The following PHACTR3 variants were observed in gnomAD, a reference collection of about 807,000 sequenced individuals.
PHACTR3 encodes phosphatase and actin regulator 3.
PHACTR3 carries 16 observed loss-of-function variants against 66.8 expected under a neutral mutation model. The ratio of observed to expected loss-of-function variants is 0.24; its 90% CI spans 0.16 to 0.36. PHACTR3 has a LOEUF of 0.36. Among genes scored for constraint, PHACTR3 ranks in the 10% least tolerant of loss-of-function variants. PHACTR3 has a pLI of 1.00. For synonymous variants in PHACTR3, 323 were observed against 292.1 expected, an observed-to-expected ratio of 1.11 and a Z score of -1.08; for missense variants, 647 against 719.9, an observed-to-expected ratio of 0.90 and a Z score of 1.16.
intron 3 of PHACTR3, among the ~76,000 whole-genome samples, chr20:59,753,716 A>G (rs1220904861): frequency 6.6e-6 from 1 of 152,204 alleles, no homozygotes; most frequent in East Asian, 1.9e-4. Context: ...TAGATAAGGA[A>G]ATTGAGATCC....
At chr20:59,583,801 G>A (rs1410441673) in intron 1 of PHACTR3, among the ~76,000 whole-genome samples, 4 of 152,266 alleles carry the variant, frequency 2.6e-5, no homozygotes, top group African/African-American at 9.6e-5. Flanking sequence ...GCATTGGGCA[G>A]GGGGAGTTGC....
intron 1 of PHACTR3, among the ~76,000 whole-genome samples, chr20:59,663,340 C>T (rs143907505): frequency 7.0e-4 from 107 of 152,272 alleles, no homozygotes; most frequent in African/African-American, 2.4e-3. Flanking sequence ...AGGATGGCTC[C>T]GGCTGGCTGT....
intron 1 of PHACTR3, among the ~76,000 whole-genome samples, chr20:59,630,884 G>C (rs1039810117): frequency 4.6e-5 from 7 of 152,140 alleles, no homozygotes; most frequent in African/African-American, 1.7e-4. Flanking sequence ...CGGTGTTCTA[G>C]GGGATTCGAG....
intron 4 of PHACTR3, among the ~76,000 whole-genome samples, chr20:59,761,410 A>G (rs2039990381): frequency 6.6e-6 from 1 of 152,106 alleles, no homozygotes; most frequent in Non-Finnish European, 1.5e-5. Context: ...GCTGAGACCA[A>G]GGTTGTGCTG....
intron 1 of PHACTR3, among the ~76,000 whole-genome samples, chr20:59,654,006 G>A (rs1037874072): frequency 2.6e-5 from 4 of 152,154 alleles, no homozygotes; most frequent in African/African-American, 7.2e-5. Context: ...AAGCAAATAA[G>A]CTATCAAAGG....
intron 1 of PHACTR3, among the ~76,000 whole-genome samples, chr20:59,659,188 T>C (rs1226658166): frequency 6.6e-6 from 1 of 152,110 alleles, no homozygotes; most frequent in Non-Finnish European, 1.5e-5. Flanking sequence ...TATTTATGAA[T>C]CTTCTTCTAT....
chr20:59,582,272 G>A (rs1231381702), intron 1 of PHACTR3, among the ~76,000 whole-genome samples: 1 of 152,176 alleles, frequency 6.6e-6, no homozygotes, highest in African/African-American at 2.4e-5. Flanking sequence ...AGTGTATCTT[G>A]GAGATTTATC....
chr20:59,821,460 T>C (rs918131047), intron 8 of PHACTR3, among the ~76,000 whole-genome samples: 3 of 152,188 alleles, frequency 2.0e-5, no homozygotes, highest in African/African-American at 7.2e-5. Context: ...AGTCAGCTTT[T>C]CCAGAGGGCT....
intron 5 of PHACTR3, among the ~76,000 whole-genome samples, chr20:59,772,535 C>A (rs970845125): frequency 6.6e-6 from 1 of 152,046 alleles, no homozygotes; most frequent in Non-Finnish European, 1.5e-5. Flanking sequence ...AGCAGAGGAG[C>A]GGGGAAGCAT....
At chr20:59,677,097 A>C (rs1041801462) in intron 1 of PHACTR3, among the ~76,000 whole-genome samples, 1 of 152,184 alleles carries the variant, frequency 6.6e-6, no homozygotes, top group African/African-American at 2.4e-5. Context: ...CTTCTGGGCT[A>C]AAAATAAAAA....
At chr20:59,720,508 C>T (rs13039719) in intron 1 of PHACTR3, among the ~76,000 whole-genome samples, 7,845 of 152,230 alleles carry the variant, frequency 0.052, 261 homozygotes, top group Non-Finnish European at 0.08. Flanking sequence ...ACCTACTAAG[C>T]GCAACGCTGT....
intron 1 of PHACTR3, among the ~76,000 whole-genome samples, chr20:59,592,019 T>C (rs905780808): frequency 2.0e-5 from 3 of 152,060 alleles, no homozygotes; most frequent in Non-Finnish European, 2.9e-5. Context: ...CATAAAACTT[T>C]TGTGCACGGC....
intron 5 of PHACTR3, among the ~76,000 whole-genome samples, chr20:59,772,437 T>C (rs1228978336): frequency 6.6e-6 from 1 of 151,998 alleles, no homozygotes; most frequent in East Asian, 1.9e-4. Flanking sequence ...TCACTCCAAG[T>C]AAGAGGAAAA....
At chr20:59,689,495 A>G (rs552534055) in intron 1 of PHACTR3, among the ~76,000 whole-genome samples, 1 of 152,298 alleles carries the variant, frequency 6.6e-6, no homozygotes, top group South Asian at 2.1e-4. Flanking sequence ...CCTGTTGAGG[A>G]GCAAACCAAG....
At chr20:59,843,007 T>G (rs952793527) in intron 11 of PHACTR3, among the ~76,000 whole-genome samples, 1 of 152,100 alleles carries the variant, frequency 6.6e-6, no homozygotes, top group Non-Finnish European at 1.5e-5. Context: ...AACTTAGATC[T>G]GATAAATTCA....
intron 4 of PHACTR3, among the ~76,000 whole-genome samples, chr20:59,758,578 G>A (rs1170781033): frequency 2.0e-5 from 3 of 152,194 alleles, no homozygotes; most frequent in Admixed American, 6.5e-5. Flanking sequence ...GGTGACACAA[G>A]TGGCTGCCTG....
intron 8 of PHACTR3, chr20:59,836,125 C>T (rs1350648075): frequency 6.0e-6 from 1 of 167,322 alleles, no homozygotes. Flanking sequence ...GTGGTGCTAC[C>T]CACCCCTCCC....
In PHACTR3 at chr20:59,659,930, A is replaced by T. The variant is rs577490078; in HGVS notation, c.118+54798A>T. Among the ~76,000 whole-genome samples, 5 of 152,174 alleles carry T rather than the reference A, an allele frequency of 3.3e-5. No individual in the cohort carries two copies. The South Asian group carries it at 1.0e-3, about 32-fold the overall frequency. ...ACTGGAGTGCTCCCTCTGCCCTGCT[A>T]CTCAGACTTTGTAGGGCATCTGTCC... On this transcript the variant is annotated intron_variant, in intron 1 of 12. Transcript: ENST00000371015.
At chr20:59,804,385 G>T (rs1327480459) in intron 7 of PHACTR3, among the ~76,000 whole-genome samples, 1 of 152,106 alleles carries the variant, frequency 6.6e-6, no homozygotes, top group Non-Finnish European at 1.5e-5. Flanking sequence ...TTAAGGACTT[G>T]GTTCATCAAA....
Sources: allele counts gnomAD v4.1 joint callset (sites outside exome capture counted in the v4.1 genomes callset), GRCh38; gene constraint gnomAD v4.1.1; transcripts MANE v1.5; gene names NCBI Gene and HGNC (gene_info 2026-07-23, HGNC 2026-07-21).